The following TENM3 variants were observed in gnomAD, a reference collection of about 807,000 sequenced individuals.
The protein encoded by TENM3 is teneurin-3.
Under a neutral mutation model 255.1 loss-of-function variants are expected in TENM3, and 63 were observed. That is an observed-to-expected ratio of 0.25 (90% CI 0.20 to 0.30). The LOEUF (loss-of-function observed/expected upper bound fraction) is 0.30, where lower values mean the gene tolerates loss of function less well. TENM3 is among the 10% of genes least tolerant of loss of function. The pLI, the probability that TENM3 is intolerant of heterozygous loss-of-function variation, is 1.00. For missense variants in TENM3, 2,929 were observed against 3,461.1 expected (o/e 0.85, Z 3.86); for synonymous variants, 1,306 against 1,322.3 (o/e 0.99, Z 0.27).
At chr4:182,767,619 G>A (rs1210868855) in intron 22 of TENM3, among the ~76,000 whole-genome samples, 2 of 152,078 alleles carry the variant, frequency 1.3e-5, no homozygotes, top group Non-Finnish European at 1.5e-5. Flanking sequence ...ACATACACAC[G>A]TATATACACT....
chr4:181,502,275 T>C, the TENM3 span, among the ~76,000 whole-genome samples: 1 of 152,028 alleles, frequency 6.6e-6, no homozygotes, highest in East Asian at 1.9e-4. Context: ...CGGATGATAG[T>C]GATTGTTAAT....
At chr4:181,651,778 G>A in the TENM3 span, among the ~76,000 whole-genome samples, 7 of 152,044 alleles carry the variant, frequency 4.6e-5, no homozygotes, top group African/African-American at 1.7e-4. Flanking sequence ...GTGATATTTG[G>A]GCCTGTTCTT....
At chr4:181,640,027 G>C in the TENM3 span, among the ~76,000 whole-genome samples, 5 of 152,178 alleles carry the variant, frequency 3.3e-5, no homozygotes, top group African/African-American at 1.2e-4. Context: ...AGGTACCCAA[G>C]TGTATCAGCC....
chr4:182,487,374 C>T (rs372814667), intron 3 of TENM3, among the ~76,000 whole-genome samples: 10 of 152,030 alleles, frequency 6.6e-5, no homozygotes, highest in East Asian at 1.9e-4. Flanking sequence ...ATTTAACTAT[C>T]GCATATCAAG....
At chr4:182,212,290 C>T (rs187529928) in intron 1 of TENM3, among the ~76,000 whole-genome samples, 346 of 152,322 alleles carry the variant, frequency 2.3e-3, no homozygotes, top group Admixed American at 6.2e-3. Context: ...CACATGGCTC[C>T]CACGCTGTTT....
the TENM3 span, among the ~76,000 whole-genome samples, chr4:182,082,239 C>G: frequency 6.6e-6 from 1 of 152,188 alleles, no homozygotes; most frequent in Admixed American, 6.5e-5. Flanking sequence ...GTGGCACCTT[C>G]TCTCCATGTC....
chr4:182,020,793 T>C, the TENM3 span, among the ~76,000 whole-genome samples: 1 of 152,298 alleles, frequency 6.6e-6, no homozygotes, highest in South Asian at 2.1e-4. Context: ...AGGACAATAC[T>C]CAAAACTCAT....
chr4:182,255,518 A>C (rs12640203), intron 1 of TENM3, among the ~76,000 whole-genome samples: 12,924 of 152,124 alleles, frequency 0.085, 746 homozygotes, highest in African/African-American at 0.16. Flanking sequence ...AGATTCCAAG[A>C]CTCCAGAATG....
intron 7 of TENM3, 91 bp downstream of exon 7, chr4:182,673,310 CTGTT>C (rs1034428545): frequency 8.1e-6 from 7 of 867,832 alleles, no homozygotes; most frequent in South Asian, 1.8e-5. Context: ...GTTTGGTTAA[CTGTT>C]TGACGACTTT....
At chr4:181,565,057 C>T in the TENM3 span, among the ~76,000 whole-genome samples, 1 of 152,184 alleles carries the variant, frequency 6.6e-6, no homozygotes, top group Non-Finnish European at 1.5e-5. Context: ...TTTCAGTTTG[C>T]TTATTTATTT....
the TENM3 span, among the ~76,000 whole-genome samples, chr4:181,559,674 T>A: frequency 6.6e-6 from 1 of 152,258 alleles, no homozygotes; most frequent in Non-Finnish European, 1.5e-5. Flanking sequence ...TTTAACATTA[T>A]GACTATCGAG....
intron 1 of TENM3, among the ~76,000 whole-genome samples, chr4:182,292,016 C>T (rs550923826): frequency 8.5e-5 from 13 of 152,182 alleles, no homozygotes; most frequent in African/African-American, 3.1e-4. Context: ...AAGTTTTCCC[C>T]AAAACATTTT....
the TENM3 span, among the ~76,000 whole-genome samples, chr4:182,122,519 A>G: frequency 4.2e-4 from 64 of 152,200 alleles, no homozygotes; most frequent in Admixed American, 8.5e-4. Flanking sequence ...GTGACCAGGT[A>G]TGTTATCAGT....
the TENM3 span, among the ~76,000 whole-genome samples, chr4:181,639,124 T>C: frequency 6.6e-6 from 1 of 152,156 alleles, no homozygotes; most frequent in African/African-American, 2.4e-5. Context: ...GAATCTGACA[T>C]AGCAGAAAGT....
the TENM3 span, among the ~76,000 whole-genome samples, chr4:181,724,450 A>G: frequency 6.6e-6 from 1 of 151,892 alleles, no homozygotes; most frequent in South Asian, 2.1e-4. Flanking sequence ...CTAATATACT[A>G]TTGAGTTTTT....
intron 1 of TENM3, among the ~76,000 whole-genome samples, chr4:182,226,298 C>T (rs1045507448): frequency 6.6e-5 from 10 of 152,152 alleles, no homozygotes; most frequent in Admixed American, 3.3e-4. Context: ...AATGAATGCA[C>T]GCAGAGCTAG....
chr4:182,178,690 A>C (rs1752666345), intron 1 of TENM3, among the ~76,000 whole-genome samples: 2 of 152,320 alleles, frequency 1.3e-5, no homozygotes, highest in East Asian at 3.9e-4. Flanking sequence ...TTGTTTCTTA[A>C]AAAAATAAAA....
rs1766145923 is a variant in TENM3 at position 182,792,068 on chromosome 4, G to A, written c.5602-206G>A. Among the ~76,000 whole-genome samples, 1 of 152,078 alleles carries A rather than the reference G, an allele frequency of 6.6e-6. No individual in the cohort carries two copies. Among genetic ancestry groups the A allele is most frequent in the Non-Finnish European group, 1.5e-5 (1 of 68,032 alleles). On this transcript the variant is annotated intron_variant, in intron 25 of 27. Transcript: ENST00000511685. This position sits in a 1 kb window ranked among gnomAD's most constrained non-coding sequence, Gnocchi z 6.3. ...TGACAGGCAGCACATTGTGAATCTC[G>A]AGCCACTAATTGCAGAACCCCTCAC... is the stretch of plus-strand genomic sequence containing the variant.
chr4:181,658,355 C>G, the TENM3 span, among the ~76,000 whole-genome samples: 2 of 152,130 alleles, frequency 1.3e-5, no homozygotes, highest in Admixed American at 1.3e-4. Flanking sequence ...GTGGTGAAAT[C>G]TCACAGAATA....
Sources: allele counts gnomAD v4.1 joint callset (sites outside exome capture counted in the v4.1 genomes callset), GRCh38; gene constraint gnomAD v4.1.1; non-coding constraint Gnocchi (gnomAD v3.1); transcripts MANE v1.5; gene names NCBI Gene and HGNC (gene_info 2026-07-23, HGNC 2026-07-21).